Variants in SESN3 observed in about 807,000 individuals in gnomAD.
SESN3 encodes sestrin 3, also known as sestrin-3.
In SESN3, 21 loss-of-function variants were observed where a neutral mutation model predicts 55.3. The ratio of observed to expected loss-of-function variants is 0.38; its 90% CI spans 0.27 to 0.55. The LOEUF is 0.55. SESN3 is among the 20% of genes least tolerant of loss of function. SESN3 has a pLI of 0.76. For synonymous variants in SESN3, 181 were observed against 203.1 expected, an observed-to-expected ratio of 0.89 and a Z score of 0.93; for missense variants, 408 against 604.3, an observed-to-expected ratio of 0.68 and a Z score of 3.41.
intron 1 of SESN3, among the ~76,000 whole-genome samples, chr11:95,202,427 C>T (rs929559509): frequency 6.6e-6 from 1 of 152,002 alleles, no homozygotes; most frequent in African/African-American, 2.4e-5. Flanking sequence ...AAACATCAAT[C>T]TACTTACTGT....
chr11:95,212,144 C>G (rs1860666895), intron 1 of SESN3, among the ~76,000 whole-genome samples: 1 of 152,052 alleles, frequency 6.6e-6, no homozygotes, highest in Non-Finnish European at 1.5e-5. Context: ...CATACCTAAG[C>G]CTTAAACATA....
rs145497048 is a variant in SESN3, at chr11:95,221,471, T to C, written c.78+9312A>G. ...ACTGACTAGTTCCATCTTCTCAGTA[T>C]AGGAAGATGTAAAAATAAAATATGT... On this transcript the variant is annotated intron_variant, in intron 1 of 9. Coordinates refer to ENST00000536441, the MANE Select transcript of SESN3 (RefSeq NM_144665.4). Among the ~76,000 whole-genome samples the C allele has an allele frequency of 9.2e-3, 1,407 of 152,308 alleles. 10 individuals are homozygous for C. Among genetic ancestry groups the C allele is most frequent in the African/African-American group, 0.015 (629 of 41,570 alleles).
At position 95,191,529 on chromosome 11, in the gene SESN3, C is replaced by T; in HGVS notation, c.217G>A (p.Asp73Asn). 6.2e-7 allele frequency: 1 copy of T among 1,612,958 alleles called. No individual in the cohort carries two copies. Among genetic ancestry groups the T allele is most frequent in the Non-Finnish European group, 8.5e-7 (1 of 1,179,308 alleles). The change falls in exon 3 of 10, where the codon GAC (aspartate) becomes AAC (asparagine). Residue 73 changes from aspartate (D) to asparagine (N), a missense_variant. Coordinates refer to ENST00000536441, the MANE Select transcript of SESN3 (RefSeq NM_144665.4). Reference protein sequence around the residue: ...VEEYSTSGRLDNITQVMSLHT... With the variant: ...VEEYSTSGRLNNITQVMSLHT... ...AAACTCATGACCTGTGTGATGTTGTCCAGACGACCGGATGTAGAGTATTCT... is the reference window on the plus strand; with the variant it reads ...AAACTCATGACCTGTGTGATGTTGTTCAGACGACCGGATGTAGAGTATTCT...
intron 1 of SESN3, among the ~76,000 whole-genome samples, chr11:95,218,885 C>G (rs2134264377): frequency 6.6e-6 from 1 of 152,240 alleles, no homozygotes; most frequent in Admixed American, 6.5e-5. Context: ...TTCTCCTGAC[C>G]TCGTGATCCG....
Position 95,230,817 on chromosome 11 carries a change from A to G in SESN3, c.44T>C (p.Leu15Pro). 1 of 1,560,424 alleles carries G rather than the reference A, an allele frequency of 6.4e-7. No individual in the cohort carries two copies. Among genetic ancestry groups the G allele is most frequent in the Non-Finnish European group, 8.7e-7 (1 of 1,151,624 alleles). Residue 15 changes from leucine to proline, a missense_variant, in exon 1 of 10, where the codon CTG becomes CCG. Coordinates refer to ENST00000536441, the MANE Select transcript of SESN3 (RefSeq NM_144665.4). The surrounding 1 kb of genome is among the most constrained non-coding windows in gnomAD (Gnocchi z 4.6). Reference protein sequence around the residue: ...GGSPSAAANYLLCTNCRKVLR... With the variant: ...GGSPSAAANYPLCTNCRKVLR... ...CACTTTCCGGCAGTTGGTACAGAGC[A>G]GGTAGTTGGCGGCGGCCGACGGGCT...
At chr11:95,183,614 G>A (rs1460067872) in intron 6 of SESN3, among the ~76,000 whole-genome samples, 27 of 150,676 alleles carry the variant, frequency 1.8e-4, no homozygotes. Context: ...CCTAGGAGAC[G>A]GAGGTTGCAG....
chr11:95,232,232 G>T (rs2092608877), upstream of SESN3: 1 of 152,358 alleles, frequency 6.6e-6, no homozygotes, highest in African/African-American at 2.4e-5. Context: ...CTTGACTGGG[G>T]AAAGCGCAGG....
intron 1 of SESN3, chr11:95,224,550 C>T (rs1300469303): frequency 5.1e-6 from 2 of 394,070 alleles, no homozygotes; most frequent in African/African-American, 4.3e-5. Context: ...AAAATATTGG[C>T]TCAATGAGTT....
At chr11:95,191,664 T>C in intron 2 of SESN3, 63 bp from the exon 3 acceptor site, 2 of 1,245,736 alleles carry the variant, frequency 1.6e-6, no homozygotes, top group South Asian at 2.6e-5. Flanking sequence ...TTGGTTTAAA[T>C]AAATTATGCC....
chr11:95,208,680 C>A (rs538122762), intron 1 of SESN3, among the ~76,000 whole-genome samples: 4 of 151,448 alleles, frequency 2.6e-5, no homozygotes, highest in Non-Finnish European at 5.9e-5. Flanking sequence ...TACTACAAGG[C>A]TACAGTAACA....
At position 95,231,073 on chromosome 11, in the gene SESN3, G is replaced by T. The variant is rs963221526; in HGVS notation, c.-213C>A. Reference sequence around the variant, plus strand: ...CAGCTGCCCCAGCGACGGCGGAGACGGCGGCGGCTGCTCCTCACCGGCCCG... The same window carrying T: ...CAGCTGCCCCAGCGACGGCGGAGACTGCGGCGGCTGCTCCTCACCGGCCCG... On this transcript the variant is annotated 5_prime_UTR_variant, in exon 1 of 10. Transcript: ENST00000536441. 5 of 415,852 alleles carry T rather than the reference G, an allele frequency of 1.2e-5. No individual in the cohort carries two copies. The highest frequency in any genetic ancestry group is 1.0e-4 in the African/African-American group (5 of 48,572). The allele number at this position is 415,852 out of a possible 1,614,324, so 25.8% of individuals were successfully genotyped here.
rs142159118 is a variant in SESN3 at position 95,225,648 on chromosome 11, G to A, written c.78+5135C>T. Among the ~76,000 whole-genome samples the A allele has an allele frequency of 3.6e-4, 55 of 152,272 alleles. No individual in the cohort carries two copies. The East Asian group carries it at 0.01, about 28-fold the overall frequency. Reference sequence around the variant, plus strand: ...CCACTTAAATCTTCTCAGTTTGTGAGAATCAACTGAAATAATGTGAAAGCA... The same window carrying A: ...CCACTTAAATCTTCTCAGTTTGTGAAAATCAACTGAAATAATGTGAAAGCA... On this transcript the variant is annotated intron_variant, in intron 1 of 9. Coordinates refer to ENST00000536441, the MANE Select transcript of SESN3 (RefSeq NM_144665.4).
At chr11:95,185,522 A>G in intron 4 of SESN3, 30 bp from the exon 5 acceptor site, 1 of 1,402,568 alleles carries the variant, frequency 7.1e-7, no homozygotes. Context: ...CAGAGCAAAT[A>G]TAAAAATTCT....
At chr11:95,223,207 A>C (rs1439259580) in intron 1 of SESN3, among the ~76,000 whole-genome samples, 1 of 151,868 alleles carries the variant, frequency 6.6e-6, no homozygotes, top group Non-Finnish European at 1.5e-5. Context: ...AAAGTCCACT[A>C]TACCTTTGAG....
intron 6 of SESN3, 46 bp downstream of exon 6, chr11:95,184,374 C>T (rs762678884): frequency 1.1e-5 from 17 of 1,547,694 alleles, no homozygotes; most frequent in Non-Finnish European, 8.9e-7. Flanking sequence ...GTTGCCCTGT[C>T]AGGGTTCTAA....
chr11:95,216,904 G>A (rs925328478), intron 1 of SESN3, among the ~76,000 whole-genome samples: 1 of 151,490 alleles, frequency 6.6e-6, no homozygotes, highest in African/African-American at 2.4e-5. Context: ...TCAGGAGTTC[G>A]AGACCAGCCT....
At chr11:95,197,083 G>A (rs190902799) in intron 1 of SESN3, among the ~76,000 whole-genome samples, 38 of 152,258 alleles carry the variant, frequency 2.5e-4, no homozygotes, top group Non-Finnish European at 5.0e-4. Context: ...TCAAGGGCAC[G>A]CTCACTTTCC....
chr11:95,168,369 T>C lies in SESN3; in HGVS notation c.*4886A>G, dbSNP rs751320297. The C allele has an allele frequency of 2.6e-5, 4 of 152,226 alleles. No homozygotes were observed. Among genetic ancestry groups the C allele is most frequent in the Non-Finnish European group, 5.9e-5 (4 of 68,032 alleles). The allele number at this position is 152,226 out of a possible 1,614,324, so 9.4% of individuals were successfully genotyped here. On this transcript the variant is annotated 3_prime_UTR_variant, in exon 10 of 10. Transcript: ENST00000536441. ...ATTCAATCACTTTAAAATCCTGTTA[T>C]ATGCTAAATTCTGAACGATAGAAAT...
intron 1 of SESN3, among the ~76,000 whole-genome samples, chr11:95,196,480 C>A (rs1386492271): frequency 6.6e-6 from 1 of 151,424 alleles, no homozygotes. Context: ...TAAGATAAGA[C>A]CATAAGCTAG....
Sources: allele counts gnomAD v4.1 joint callset (sites outside exome capture counted in the v4.1 genomes callset), GRCh38; gene constraint gnomAD v4.1.1; non-coding constraint Gnocchi (gnomAD v3.1); transcripts MANE v1.5; gene names NCBI Gene and HGNC (gene_info 2026-07-23, HGNC 2026-07-21).